The following ADCYAP1R1 variants were observed in gnomAD, a reference collection of about 807,000 sequenced individuals.
The protein encoded by ADCYAP1R1 is ADCYAP receptor type I.
A neutral mutation model predicts 67.6 loss-of-function variants in ADCYAP1R1; 44 were observed. That is an observed-to-expected ratio of 0.65 (90% CI 0.51 to 0.84). The LOEUF is 0.84. Ranked by LOEUF, ADCYAP1R1 falls within the 40% of genes least tolerant of loss-of-function variation. ADCYAP1R1 has a pLI of 0.00. For missense variants in ADCYAP1R1, 477 were observed against 587.9 expected, an observed-to-expected ratio of 0.81 and a Z score of 1.95; for synonymous variants, 222 against 219.6, an observed-to-expected ratio of 1.01 and a Z score of -0.10.
At chr7:31,066,133 C>T (rs1287403489) in intron 3 of ADCYAP1R1, among the ~76,000 whole-genome samples, 1 of 152,208 alleles carries the variant, frequency 6.6e-6, no homozygotes, top group Non-Finnish European at 1.5e-5. Context: ...CCAAGAATAT[C>T]TGGTCCAAGT....
At chr7:31,067,628 A>G (rs10235871) in intron 3 of ADCYAP1R1, among the ~76,000 whole-genome samples, 2 of 152,192 alleles carry the variant, frequency 1.3e-5, no homozygotes, top group African/African-American at 4.8e-5. Flanking sequence ...GGCAGCCTGT[A>G]CCCTCAACTG....
chr7:31,060,517 T>TGTGTGTGG (rs1794457415), intron 1 of ADCYAP1R1, among the ~76,000 whole-genome samples: 1 of 151,984 alleles, frequency 6.6e-6, no homozygotes, highest in African/African-American at 2.4e-5. Context: ...TGTGTGTGTG[T>TGTGTGTGG]GTGGTTGCCT....
chr7:31,065,010 G>A (rs1477638149), intron 3 of ADCYAP1R1, 74 bp downstream of exon 3: 14 of 1,166,610 alleles, frequency 1.2e-5, no homozygotes, highest in South Asian at 8.9e-5. Context: ...GCTCAGGCTC[G>A]GCCAGTGAGT....
chr7:31,078,650 A>AGCC (rs1369268207), intron 4 of ADCYAP1R1, among the ~76,000 whole-genome samples: 1 of 152,208 alleles, frequency 6.6e-6, no homozygotes, highest in Non-Finnish European at 1.5e-5. Flanking sequence ...CCACATGCAG[A>AGCC]GCCACTTAGA....
At chr7:31,079,767 G>A (rs182398330) in intron 4 of ADCYAP1R1, among the ~76,000 whole-genome samples, 342 of 152,260 alleles carry the variant, frequency 2.2e-3, no homozygotes, top group African/African-American at 7.7e-3. Flanking sequence ...ACCACCGGCC[G>A]GCCCGGGAGG....
chr7:31,055,366 C>T (rs962762954), intron 1 of ADCYAP1R1, among the ~76,000 whole-genome samples: 7 of 151,484 alleles, frequency 4.6e-5, no homozygotes, highest in East Asian at 3.9e-4. Flanking sequence ...TGTGCACGCG[C>T]GTGTTGCATA....
intron 3 of ADCYAP1R1, 58 bp from the exon 4 acceptor site, chr7:31,077,933 G>C: frequency 8.8e-7 from 1 of 1,136,352 alleles, no homozygotes; most frequent in Non-Finnish European, 1.3e-6. Context: ...GTGTGTGGTG[G>C]TGTGTGTGTA....
chr7:31,093,185 C>T (rs1394343100), intron 13 of ADCYAP1R1, among the ~76,000 whole-genome samples: 3 of 152,164 alleles, frequency 2.0e-5, no homozygotes, highest in Admixed American at 1.3e-4. Context: ...GCGAGTCAGG[C>T]GGACACATTC....
At chr7:31,081,850 C>A in intron 6 of ADCYAP1R1, 96 bp downstream of exon 6, 1 of 976,618 alleles carries the variant, frequency 1.0e-6, no homozygotes, top group Non-Finnish European at 1.5e-6. Context: ...CTGGGCTCTG[C>A]TCCTCTGTGG....
chr7:31,070,917 G>A (rs79146746), intron 3 of ADCYAP1R1, among the ~76,000 whole-genome samples: 3,765 of 152,238 alleles, frequency 0.025, 70 homozygotes, highest in African/African-American at 0.051. Flanking sequence ...AGGCGAGGGC[G>A]GCATCTTTAG....
At chr7:31,055,930 C>G (rs1191143276) in intron 1 of ADCYAP1R1, among the ~76,000 whole-genome samples, 1 of 152,176 alleles carries the variant, frequency 6.6e-6, no homozygotes. Context: ...GTGATTGATT[C>G]CCCCACTCTA....
chr7:31,081,382 A>G (rs1438667174), intron 5 of ADCYAP1R1, among the ~76,000 whole-genome samples: 1 of 152,122 alleles, frequency 6.6e-6, no homozygotes, highest in East Asian at 1.9e-4. Context: ...AAAAGGCCCA[A>G]CCATCCCTTT....
intron 12 of ADCYAP1R1, among the ~76,000 whole-genome samples, chr7:31,091,744 G>A (rs1795970430): frequency 6.6e-6 from 1 of 152,074 alleles, no homozygotes; most frequent in Non-Finnish European, 1.5e-5. Flanking sequence ...GAACACGATT[G>A]ACAGAATCCT....
intron 5 of ADCYAP1R1, 127 bp from the exon 6 acceptor site, chr7:31,081,586 C>T (rs1795514555): frequency 1.5e-6 from 1 of 665,622 alleles, no homozygotes; most frequent in African/African-American, 1.8e-5. Context: ...GATATTGCCT[C>T]TTGGCCAGGA....
At chr7:31,104,101 G>T (rs542433377) in intron 14 of ADCYAP1R1, among the ~76,000 whole-genome samples, 72 of 152,182 alleles carry the variant, frequency 4.7e-4, no homozygotes, top group Non-Finnish European at 7.9e-4. Context: ...CCGGGCCCAG[G>T]TTCTTAGTCT....
At chr7:31,079,492 G>C (rs1262126763) in intron 4 of ADCYAP1R1, among the ~76,000 whole-genome samples, 1 of 152,210 alleles carries the variant, frequency 6.6e-6, no homozygotes, top group African/African-American at 2.4e-5. Flanking sequence ...TCCTAGAAGG[G>C]GCGAGTTTCC....
Position 31,066,445 on chromosome 7 carries a change from G to A in ADCYAP1R1, c.157+1509G>A, listed in dbSNP as rs376848633. On this transcript the variant is annotated intron_variant, in intron 3 of 15. Coordinates refer to ENST00000304166, the MANE Select transcript of ADCYAP1R1 (RefSeq NM_001118.5). ...AGACAGGCCTGTCCACAGGGATGTC[G>A]TGGCAGAGAAGGGAGATGGATGCCA... Among the ~76,000 whole-genome samples the A allele has an allele frequency of 4.6e-4, 70 of 152,280 alleles. 1 individual carries two copies. The highest frequency in any genetic ancestry group is 1.4e-3 in the African/African-American group (57 of 41,554).
Position 31,109,947 on chromosome 7 carries a change from C to G in ADCYAP1R1, c.*3263C>G, listed in dbSNP as rs1430308048. ...CCTGCTTGACACATCCAGTGGCCTACAGCGACTCTTCTCTAACCCCACCCC... is the reference window on the plus strand; with the variant it reads ...CCTGCTTGACACATCCAGTGGCCTAGAGCGACTCTTCTCTAACCCCACCCC... On this transcript the variant is annotated 3_prime_UTR_variant, in exon 16 of 16. Transcript: ENST00000304166. 1 of 152,202 alleles carries G rather than the reference C, an allele frequency of 6.6e-6. No individual in the cohort carries two copies. The highest frequency in any genetic ancestry group is 2.4e-5 in the African/African-American group (1 of 41,366). 9.4% of individuals were successfully genotyped at this position (152,202 alleles called of 1,614,324 possible). A position where few individuals can be genotyped will look rare whatever the true frequency, so the allele number is the denominator to read the frequency against.
At chr7:31,059,716 TAA>T (rs1794410855) in intron 1 of ADCYAP1R1, among the ~76,000 whole-genome samples, 1 of 152,062 alleles carries the variant, frequency 6.6e-6, no homozygotes, top group East Asian at 1.9e-4. Flanking sequence ...GCAGGCAGCC[TAA>T]GTCTGTAAGC....
Sources: gnomAD v4.1 joint callset for allele counts (sites outside exome capture counted in the v4.1 genomes callset) on GRCh38, gnomAD v4.1.1 for gene constraint, MANE v1.5 for transcripts, NCBI Gene and HGNC (gene_info 2026-07-23, HGNC 2026-07-21) for gene names.